Variants in FHL5 observed in about 807,000 individuals in gnomAD.
The protein encoded by FHL5 is four and a half LIM domains 5, also known as four and a half LIM domains protein 5.
In FHL5, 33 loss-of-function variants were observed where a neutral mutation model predicts 32.0. That is an observed-to-expected ratio of 1.03 (90% CI 0.78 to 1.38). The LOEUF is 1.38. Among genes scored for constraint, FHL5 ranks in the 40% most tolerant of loss-of-function variants. FHL5 has a pLI of 0.00. For synonymous variants in FHL5, 114 were observed against 113.6 expected, an observed-to-expected ratio of 1.00 and a Z score of -0.02; for missense variants, 336 against 343.9, an observed-to-expected ratio of 0.98 and a Z score of 0.18.
At chr6:96,610,498 T>C (rs537682240) in intron 4 of FHL5, 74 bp from the exon 5 acceptor site, 5 of 1,088,626 alleles carry the variant, frequency 4.6e-6, no homozygotes, top group Non-Finnish European at 6.8e-6. Context: ...GATACTAGGA[T>C]CTCAAAAGAA....
chr6:96,617,230 T>G lies in FHL5; in HGVS notation c.*1458T>G, dbSNP rs1234659403. 6.6e-6 allele frequency among the ~76,000 whole-genome samples: 1 copy of G among 152,042 alleles called. No individual in the cohort carries two copies. The highest frequency in any genetic ancestry group is 1.5e-5 in the Non-Finnish European group (1 of 68,018). On this transcript the variant is annotated 3_prime_UTR_variant, in exon 6 of 6. Transcript: ENST00000450218. ...TGGTTATAGCATCTCTTGGATGGAG[T>G]AGAGGGAGGTCAGGAGAAGAAGCCC... is the stretch of plus-strand genomic sequence containing the variant.
At chr6:96,615,473 C>T in intron 5 of FHL5, 136 bp from the exon 6 acceptor site, 1 of 580,558 alleles carries the variant, frequency 1.7e-6, no homozygotes, top group Non-Finnish European at 2.8e-6. Context: ...CAGGAAGCAG[C>T]ATTCTTTTTT....
intron 1 of FHL5, among the ~76,000 whole-genome samples, chr6:96,584,911 A>G (rs1226541151): frequency 6.6e-6 from 1 of 150,594 alleles, no homozygotes; most frequent in Non-Finnish European, 1.5e-5. Flanking sequence ...TGTAGGGAGG[A>G]AAAGAGAATG....
chr6:96,598,461 A>G (rs1771080693), intron 1 of FHL5, among the ~76,000 whole-genome samples: 1 of 152,220 alleles, frequency 6.6e-6, no homozygotes, highest in Admixed American at 6.5e-5. Flanking sequence ...CATAATATCC[A>G]TTACAAAATT....
At chr6:96,568,791 T>C (rs1362821509) in intron 1 of FHL5, among the ~76,000 whole-genome samples, 1 of 151,892 alleles carries the variant, frequency 6.6e-6, no homozygotes, top group African/African-American at 2.4e-5. Flanking sequence ...TTTGTATTTC[T>C]ATGGTATTAG....
At chr6:96,580,876 A>G (rs1770683136) in intron 1 of FHL5, among the ~76,000 whole-genome samples, 1 of 152,164 alleles carries the variant, frequency 6.6e-6, no homozygotes, top group South Asian at 2.1e-4. Flanking sequence ...AGAATATATA[A>G]CCACATCTAT....
chr6:96,600,274 T>A (rs2127970913), intron 1 of FHL5, among the ~76,000 whole-genome samples: 1 of 152,210 alleles, frequency 6.6e-6, no homozygotes, highest in South Asian at 2.1e-4. Context: ...TTGGGTAGGG[T>A]GAGAACAGAA....
intron 1 of FHL5, among the ~76,000 whole-genome samples, chr6:96,583,419 A>G (rs1473901635): frequency 1.3e-5 from 2 of 152,234 alleles, no homozygotes; most frequent in African/African-American, 4.8e-5. Context: ...AATTTTGTCA[A>G]ATTCAGCCAC....
At chr6:96,577,354 C>T (rs1330612490) in intron 1 of FHL5, among the ~76,000 whole-genome samples, 1 of 151,734 alleles carries the variant, frequency 6.6e-6, no homozygotes, top group Non-Finnish European at 1.5e-5. Flanking sequence ...CACCATTCAA[C>T]CCCAACTCAA....
At chr6:96,579,846 G>A (rs1453355476) in intron 1 of FHL5, among the ~76,000 whole-genome samples, 1 of 152,164 alleles carries the variant, frequency 6.6e-6, no homozygotes, top group Non-Finnish European at 1.5e-5. Context: ...CCCCAGGTCT[G>A]TAAAAGGACA....
rs148987952 is a variant in FHL5 at position 96,604,841 on chromosome 6, A to C, written c.251A>C (p.Lys84Thr). 4.3e-6 allele frequency: 7 copies of C among 1,614,136 alleles called. No homozygotes were observed. The African/African-American group carries it at 6.7e-5, about 15-fold the overall frequency. ...TTGGTGGAAAAGCCTTTTGCTGCCAAGGATGAGCGCCTGCTGTGCACGGAG... is the reference window on the plus strand; with the variant it reads ...TTGGTGGAAAAGCCTTTTGCTGCCACGGATGAGCGCCTGCTGTGCACGGAG... ...HSLVEKPFAAKDERLLCTECY... is the reference protein window; with the variant it reads ...HSLVEKPFAATDERLLCTECY... The change falls in exon 3 of 6, where the codon AAG becomes ACG. Residue 84 changes from lysine (K) to threonine (T), a missense_variant. Coordinates refer to ENST00000450218, the MANE Select transcript of FHL5 (RefSeq NM_001322466.2).
At chr6:96,578,761 G>A (rs1770638335) in intron 1 of FHL5, among the ~76,000 whole-genome samples, 1 of 152,130 alleles carries the variant, frequency 6.6e-6, no homozygotes, top group South Asian at 2.1e-4. Flanking sequence ...AGAATCGCTT[G>A]AACCTGGGAG....
intron 4 of FHL5, among the ~76,000 whole-genome samples, chr6:96,606,414 C>A (rs920675556): frequency 6.6e-6 from 1 of 152,082 alleles, no homozygotes; most frequent in East Asian, 1.9e-4. Context: ...TGCAGTGGTA[C>A]AATCTCGGCT....
At chr6:96,612,845 G>T (rs1389458793) in intron 5 of FHL5, among the ~76,000 whole-genome samples, 1 of 152,026 alleles carries the variant, frequency 6.6e-6, no homozygotes, top group Non-Finnish European at 1.5e-5. Flanking sequence ...ATATCTATAG[G>T]CCCTGAAGTA....
At chr6:96,582,764 T>C (rs1770720664) in intron 1 of FHL5, among the ~76,000 whole-genome samples, 1 of 152,168 alleles carries the variant, frequency 6.6e-6, no homozygotes, top group Admixed American at 6.6e-5. Context: ...AGGTTATTTT[T>C]GATTGATGGC....
intron 5 of FHL5, 95 bp from the exon 6 acceptor site, chr6:96,615,514 T>C: frequency 9.9e-7 from 1 of 1,010,452 alleles, no homozygotes; most frequent in Non-Finnish European, 1.4e-6. Context: ...GTTTTGCTCA[T>C]AGCTCTATCT....
At chr6:96,600,561 G>T (rs1771127005) in intron 1 of FHL5, among the ~76,000 whole-genome samples, 1 of 151,978 alleles carries the variant, frequency 6.6e-6, no homozygotes, top group Non-Finnish European at 1.5e-5. Context: ...TTCCTAGGAA[G>T]GTCTCTCCTC....
In FHL5 at chr6:96,577,868, A is replaced by G. The variant is rs191397556; in HGVS notation, c.-13+14513A>G. On this transcript the variant is annotated intron_variant, in intron 1 of 5. Coordinates refer to ENST00000450218, the MANE Select transcript of FHL5 (RefSeq NM_001322466.2). ...AACTTCTACGTGGAAAACAAAACAA[A>G]TGGCTTCTGTGAGAAGCCTGGAAAC... Among the ~76,000 whole-genome samples the G allele has an allele frequency of 2.9e-4, 44 of 151,892 alleles. No individual in the cohort carries two copies. The East Asian group carries it at 8.2e-3, about 28-fold the overall frequency.
chr6:96,602,441 T>G, intron 1 of FHL5, among the ~76,000 whole-genome samples: 1 of 107,204 alleles, frequency 9.3e-6, no homozygotes, highest in Admixed American at 9.0e-5. Context: ...TTTTTTTTTT[T>G]TTTTTTTTTT....
Sources: allele counts gnomAD v4.1 joint callset (sites outside exome capture counted in the v4.1 genomes callset), GRCh38; gene constraint gnomAD v4.1.1; transcripts MANE v1.5; gene names NCBI Gene and HGNC (gene_info 2026-07-23, HGNC 2026-07-21).